The following MCTP1 variants were observed in gnomAD, a reference collection of about 807,000 sequenced individuals.
MCTP1 encodes the protein multiple C2 and transmembrane domain containing 1.
A neutral mutation model predicts 120.6 loss-of-function variants in MCTP1; 69 were observed. The observed-to-expected ratio is 0.57, with a 90% CI of 0.47 to 0.70. The LOEUF is 0.70. MCTP1 is among the 30% of genes least tolerant of loss of function. MCTP1 has a pLI of 0.00. For missense variants in MCTP1, 1,203 were observed against 1,248.8 expected, an observed-to-expected ratio of 0.96 and a Z score of 0.55; for synonymous variants, 529 against 493.1, an observed-to-expected ratio of 1.07 and a Z score of -0.96.
At chr5:94,898,848 C>T (rs1304335474) in intron 10 of MCTP1, among the ~76,000 whole-genome samples, 1 of 152,192 alleles carries the variant, frequency 6.6e-6, no homozygotes, top group Non-Finnish European at 1.5e-5. Context: ...TTCAAGATAA[C>T]TTATCCTCTT....
chr5:95,024,801 A>G (rs900265871), intron 1 of MCTP1, among the ~76,000 whole-genome samples: 3 of 152,162 alleles, frequency 2.0e-5, no homozygotes, highest in Admixed American at 1.3e-4. Flanking sequence ...TCTGAAAAAG[A>G]AATTAAGAAA....
At chr5:94,760,006 C>CA (rs1179933921) in intron 19 of MCTP1, among the ~76,000 whole-genome samples, 1 of 140,274 alleles carries the variant, frequency 7.1e-6, no homozygotes, top group Admixed American at 7.3e-5. Context: ...AAAAATAATC[C>CA]AGTTACATTC....
intron 17 of MCTP1, among the ~76,000 whole-genome samples, chr5:94,820,197 A>T (rs541330772): frequency 6.6e-6 from 1 of 152,358 alleles, no homozygotes; most frequent in East Asian, 1.9e-4. Context: ...AAAAACAAAT[A>T]TCTGACTATT....
intron 19 of MCTP1, among the ~76,000 whole-genome samples, chr5:94,778,401 G>A (rs764743266): frequency 2.0e-5 from 3 of 152,080 alleles, no homozygotes; most frequent in Non-Finnish European, 4.4e-5. Flanking sequence ...GAAAGCAGTA[G>A]TTCCAACCCC....
rs1436841017 is a variant in MCTP1 at position 95,154,355 on chromosome 5, A to AAT, written c.720+129500_720+129501insAT. Reference sequence around the variant, plus strand: ...AAGTCTCTATGCCAACAGAAACCTGAGGCCAAGAAACCATTCTTAACCTTT... The same window carrying AAT: ...AAGTCTCTATGCCAACAGAAACCTGAATGGCCAAGAAACCATTCTTAACCTTT... On this transcript the variant is annotated intron_variant, in intron 1 of 22. Transcript: ENST00000515393. 287 of 152,326 alleles carry AAT rather than the reference A, an allele frequency of 1.9e-3. 1 individual carries two copies. The highest frequency in any genetic ancestry group is 6.6e-3 in the African/African-American group (274 of 41,570). The allele number at this position is 152,326 out of a possible 1,614,324, so 9.4% of individuals were successfully genotyped here.
intron 19 of MCTP1, among the ~76,000 whole-genome samples, chr5:94,756,445 G>A (rs564317864): frequency 4.6e-5 from 7 of 152,178 alleles, no homozygotes; most frequent in Admixed American, 1.3e-4. Context: ...GACAGGAGAC[G>A]GTGGAGCTCT....
At position 94,758,813 on chromosome 5, in the gene MCTP1, C is replaced by T. The variant is rs891258351; in HGVS notation, c.2610+20297G>A. Among the ~76,000 whole-genome samples, 11 of 152,078 alleles carry T rather than the reference C, an allele frequency of 7.2e-5. No homozygotes were observed. In the South Asian group the frequency reaches 1.5e-3, roughly 20 times the overall value. On this transcript the variant is annotated intron_variant, in intron 19 of 22. Coordinates refer to ENST00000515393, the MANE Select transcript of MCTP1 (RefSeq NM_024717.7). ...TTTTGTTATCATGGAGAAAAGTCTG[C>T]ACAATATAATTATTATATAGAAAAA...
chr5:95,117,992 G>A (rs964497251), intron 1 of MCTP1, among the ~76,000 whole-genome samples: 1 of 152,136 alleles, frequency 6.6e-6, no homozygotes, highest in African/African-American at 2.4e-5. Flanking sequence ...GGAGAAGAAA[G>A]GGGAACAATA....
intron 1 of MCTP1, among the ~76,000 whole-genome samples, chr5:95,201,340 A>G (rs1217629379): frequency 1.3e-5 from 2 of 152,126 alleles, no homozygotes; most frequent in Admixed American, 1.3e-4. Context: ...TCATAGGCAC[A>G]TTAAAGTTTG....
intron 1 of MCTP1, among the ~76,000 whole-genome samples, chr5:95,283,523 T>C (rs1384678495): frequency 6.6e-6 from 1 of 152,244 alleles, no homozygotes; most frequent in Non-Finnish European, 1.5e-5. Flanking sequence ...GTTAGTTTTT[T>C]CTTTTGCCAA....
intron 1 of MCTP1, among the ~76,000 whole-genome samples, chr5:95,047,201 T>C (rs1161415787): frequency 6.6e-6 from 1 of 152,192 alleles, no homozygotes. Flanking sequence ...TGCTTTCCCA[T>C]GTACTCTAGT....
Position 95,283,912 on chromosome 5 carries a change from G to T in MCTP1, c.664C>A (p.Arg222=), listed in dbSNP as rs1350215993. ...GGGGCCCGAGACTCCGCGGGACTCCGCGCCGGCTCTGCGGGAGGAGGCGGC... is the reference window on the plus strand; with the variant it reads ...GGGGCCCGAGACTCCGCGGGACTCCTCGCCGGCTCTGCGGGAGGAGGCGGC... ...EPPPPPAEPA[R]SPAESRAPET... is the part of the protein sequence containing the mutation. The change falls in exon 1 of 23, where the codon CGG becomes AGG. Residue 222 remains arginine, a synonymous_variant. Coordinates refer to ENST00000515393, the MANE Select transcript of MCTP1 (RefSeq NM_024717.7). 2 of 1,392,456 alleles carry T rather than the reference G, an allele frequency of 1.4e-6. No homozygotes were observed. The highest frequency in any genetic ancestry group is 9.2e-7 in the Non-Finnish European group (1 of 1,081,718). The allele number at this position is 1,392,456 out of a possible 1,614,324, so 86.3% of individuals were successfully genotyped here.
At chr5:95,119,172 A>T (rs1758026410) in intron 1 of MCTP1, among the ~76,000 whole-genome samples, 1 of 152,236 alleles carries the variant, frequency 6.6e-6, no homozygotes, top group African/African-American at 2.4e-5. Context: ...GAAAACTGAA[A>T]TAACATCAAG....
chr5:94,994,824 A>T (rs1307472515), intron 2 of MCTP1, among the ~76,000 whole-genome samples: 1 of 152,112 alleles, frequency 6.6e-6, no homozygotes, highest in Non-Finnish European at 1.5e-5. Flanking sequence ...AAGAATGTGG[A>T]AGGACTGGTC....
chr5:95,118,541 A>G (rs1481822842), intron 1 of MCTP1, among the ~76,000 whole-genome samples: 2 of 152,192 alleles, frequency 1.3e-5, no homozygotes, highest in African/African-American at 4.8e-5. Context: ...ACTTATTAAT[A>G]ATAACATTGA....
intron 1 of MCTP1, among the ~76,000 whole-genome samples, chr5:95,028,115 A>C (rs1839617849): frequency 1.3e-5 from 2 of 152,226 alleles, no homozygotes; most frequent in African/African-American, 4.8e-5. Flanking sequence ...TGAATATTTC[A>C]ACAAGAATTG....
At chr5:95,040,764 G>A (rs969930013) in intron 1 of MCTP1, among the ~76,000 whole-genome samples, 1 of 152,148 alleles carries the variant, frequency 6.6e-6, no homozygotes, top group Non-Finnish European at 1.5e-5. Context: ...ACTGATTCAG[G>A]GTTGGGTATG....
At chr5:94,966,398 C>G (rs926974165) in intron 2 of MCTP1, among the ~76,000 whole-genome samples, 1 of 152,198 alleles carries the variant, frequency 6.6e-6, no homozygotes, top group East Asian at 1.9e-4. Context: ...AGCTCTCATA[C>G]TTTTGTTTAA....
chr5:94,718,728 A>AT (rs1432171133), intron 19 of MCTP1, among the ~76,000 whole-genome samples: 5 of 151,840 alleles, frequency 3.3e-5, no homozygotes, highest in East Asian at 3.9e-4. Context: ...CATTATTATT[A>AT]TTTTTTTTGA....
Sources: allele counts gnomAD v4.1 joint callset (sites outside exome capture counted in the v4.1 genomes callset), GRCh38; gene constraint gnomAD v4.1.1; transcripts MANE v1.5; gene names NCBI Gene and HGNC (gene_info 2026-07-23, HGNC 2026-07-21).